The following SOX5 variants were observed in gnomAD, a reference collection of about 807,000 sequenced individuals.
SOX5 encodes SRY-box transcription factor 5, also known as transcription factor SOX-5.
Under a neutral mutation model 92.0 loss-of-function variants are expected in SOX5, and 9 were observed. That is an observed-to-expected ratio of 0.10 (90% CI 0.06 to 0.17). SOX5 has a LOEUF of 0.17. Among genes scored for constraint, SOX5 ranks in the 10% least tolerant of loss-of-function variants. SOX5 has a pLI of 1.00. For missense variants in SOX5, 642 were observed against 944.5 expected, an observed-to-expected ratio of 0.68 and a Z score of 4.20; for synonymous variants, 344 against 336.3, an observed-to-expected ratio of 1.02 and a Z score of -0.25.
chr12:24,342,284 T>C (rs899333784), intron 2 of SOX5, among the ~76,000 whole-genome samples: 6 of 152,320 alleles, frequency 3.9e-5, no homozygotes, highest in Admixed American at 3.9e-4. Flanking sequence ...CATTCACTCT[T>C]AGTGACCACA....
At chr12:24,107,136 C>T (rs1353958648) in intron 4 of SOX5, among the ~76,000 whole-genome samples, 5 of 152,170 alleles carry the variant, frequency 3.3e-5, no homozygotes, top group Admixed American at 3.3e-4. Flanking sequence ...TAATCCTCTT[C>T]TCTAATCCTT....
intron 3 of SOX5, among the ~76,000 whole-genome samples, chr12:24,213,855 A>C (rs1958930545): frequency 6.6e-6 from 1 of 152,058 alleles, no homozygotes; most frequent in African/African-American, 2.4e-5. Flanking sequence ...GCACAAACTC[A>C]CTCACACAAG....
At chr12:23,802,143 G>A (rs905455577) in intron 3 of SOX5, among the ~76,000 whole-genome samples, 1 of 151,684 alleles carries the variant, frequency 6.6e-6, no homozygotes, top group Non-Finnish European at 1.5e-5. Flanking sequence ...GTGCGATCTC[G>A]GCTCACTGCA....
At chr12:24,337,852 G>A (rs999246736) in intron 2 of SOX5, among the ~76,000 whole-genome samples, 7 of 152,112 alleles carry the variant, frequency 4.6e-5, no homozygotes, top group African/African-American at 7.2e-5. Flanking sequence ...CACACAATAC[G>A]AAAACTGTAT....
intron 2 of SOX5, among the ~76,000 whole-genome samples, chr12:24,324,804 C>A (rs1950524085): frequency 6.6e-6 from 1 of 151,932 alleles, no homozygotes; most frequent in Admixed American, 6.6e-5. Context: ...CGAATTAATA[C>A]ATATGGGATA....
chr12:23,919,070 T>C (rs1002616703), intron 1 of SOX5, among the ~76,000 whole-genome samples: 1 of 151,946 alleles, frequency 6.6e-6, no homozygotes, highest in Admixed American at 6.6e-5. Context: ...AATTAATAGG[T>C]AATATCAATG....
intron 2 of SOX5, among the ~76,000 whole-genome samples, chr12:24,301,726 C>T (rs960198074): frequency 4.6e-5 from 7 of 152,118 alleles, no homozygotes; most frequent in Non-Finnish European, 7.3e-5. Flanking sequence ...AGTGCGCACA[C>T]GTAAATTTGT....
chr12:23,736,884 G>T (rs906316650), intron 5 of SOX5, among the ~76,000 whole-genome samples: 6 of 151,594 alleles, frequency 4.0e-5, no homozygotes, highest in African/African-American at 9.7e-5. Flanking sequence ...CTAGAGACAC[G>T]GTTTCACCAT....
Position 24,002,670 on chromosome 12 carries a change from C to T in SOX5, c.-1-106646G>A, listed in dbSNP as rs562862990. On this transcript the variant is annotated intron_variant, in intron 4 of 4. Transcript: ENST00000446891. ...TATGTTTAATATTTCCACAAAAATACTTTATAGGGAGTATGTTTAATATTT... is the reference window on the plus strand; with the variant it reads ...TATGTTTAATATTTCCACAAAAATATTTTATAGGGAGTATGTTTAATATTT... 1.0e-4 allele frequency among the ~76,000 whole-genome samples: 15 copies of T among 149,598 alleles called. No individual in the cohort carries two copies. The East Asian group carries it at 2.7e-3, about 27-fold the overall frequency.
chr12:23,798,241 G>GA (rs1176916240), intron 3 of SOX5, among the ~76,000 whole-genome samples: 2 of 151,740 alleles, frequency 1.3e-5, no homozygotes, highest in Non-Finnish European at 2.9e-5. Context: ...TCTGTACCTA[G>GA]AACACTGACT....
chr12:24,516,737 T>C (rs570209412), intron 1 of SOX5, among the ~76,000 whole-genome samples: 70 of 152,380 alleles, frequency 4.6e-4, no homozygotes, highest in African/African-American at 1.6e-3. Flanking sequence ...CTATATTTCT[T>C]CTTTATAATC....
intron 4 of SOX5, among the ~76,000 whole-genome samples, chr12:23,988,874 T>C (rs2136236495): frequency 6.6e-6 from 1 of 152,168 alleles, no homozygotes; most frequent in East Asian, 1.9e-4. Flanking sequence ...CAGAGTCTCT[T>C]TTCCACCACT....
chr12:23,588,628 C>G (rs1165660863), intron 9 of SOX5, among the ~76,000 whole-genome samples: 5 of 151,636 alleles, frequency 3.3e-5, no homozygotes, highest in Non-Finnish European at 7.4e-5. Flanking sequence ...GTATATTTGC[C>G]TTAGAGCTTA....
chr12:23,998,229 C>G (rs1430022764), intron 4 of SOX5, among the ~76,000 whole-genome samples: 1 of 151,836 alleles, frequency 6.6e-6, no homozygotes, highest in African/African-American at 2.4e-5. Context: ...ATCAAACATA[C>G]ATCAATACAA....
chr12:23,738,791 T>C (rs2093694316), intron 5 of SOX5, among the ~76,000 whole-genome samples: 1 of 152,184 alleles, frequency 6.6e-6, no homozygotes, highest in Non-Finnish European at 1.5e-5. Context: ...TTCTCCAGAA[T>C]TCAGTTGACT....
chr12:24,236,396 A>T (rs1964523322), intron 3 of SOX5, among the ~76,000 whole-genome samples: 1 of 152,166 alleles, frequency 6.6e-6, no homozygotes, highest in Admixed American at 6.5e-5. Context: ...ATATAGAGTT[A>T]CCACCTGTAA....
intron 1 of SOX5, among the ~76,000 whole-genome samples, chr12:24,561,795 G>A (rs1273899248): frequency 1.3e-5 from 2 of 151,550 alleles, no homozygotes; most frequent in East Asian, 3.9e-4. Flanking sequence ...CGGGAGGTGG[G>A]GGTGACTAAG....
rs149331170 is a variant in SOX5 at position 24,063,819 on chromosome 12, C to T, written c.-2+149524G>A. On this transcript the variant is annotated intron_variant, in intron 4 of 4. Coordinates refer to the SOX5 transcript ENST00000446891. ...AGCTCTGCCACATACTTGCTCTGTA[C>T]GTTTAGCCTACTTAATCATTAATAT... Among the ~76,000 whole-genome samples the T allele has an allele frequency of 4.7e-3, 722 of 152,268 alleles. 5 individuals carry two copies. The highest frequency in any genetic ancestry group is 0.016 in the African/African-American group (671 of 41,556).
At chr12:23,872,646 A>G (rs998784186) in intron 2 of SOX5, among the ~76,000 whole-genome samples, 1 of 152,256 alleles carries the variant, frequency 6.6e-6, no homozygotes, top group Non-Finnish European at 1.5e-5. Flanking sequence ...GTAATATCAC[A>G]GAGACTTAAT....
Sources: allele counts gnomAD v4.1 joint callset (sites outside exome capture counted in the v4.1 genomes callset), GRCh38; gene constraint gnomAD v4.1.1; transcripts MANE v1.5; gene names NCBI Gene and HGNC (gene_info 2026-07-23, HGNC 2026-07-21).